ARHGEF28: variants seen among roughly 807,000 people sequenced by gnomAD.
The protein encoded by ARHGEF28 is Rho guanine nucleotide exchange factor 28.
ARHGEF28 carries 152 observed loss-of-function variants against 206.6 expected under a neutral mutation model. The observed-to-expected ratio is 0.74, with a 90% CI of 0.64 to 0.84. The LOEUF (loss-of-function observed/expected upper bound fraction) is 0.84, where lower values mean the gene tolerates loss of function less well. Ranked by LOEUF, ARHGEF28 falls within the 40% of genes least tolerant of loss-of-function variation. ARHGEF28 has a pLI of 0.00. For missense variants in ARHGEF28, 2,028 were observed against 2,073.2 expected, an observed-to-expected ratio of 0.98 and a Z score of 0.42; for synonymous variants, 763 against 776.4, an observed-to-expected ratio of 0.98 and a Z score of 0.29.
At chr5:73,939,188 A>T (rs1358507152) in intron 35 of ARHGEF28, among the ~76,000 whole-genome samples, 1 of 152,128 alleles carries the variant, frequency 6.6e-6, no homozygotes, top group East Asian at 1.9e-4. Flanking sequence ...TCAGAATTTC[A>T]CTAGCCTGAG....
chr5:73,896,405 T>C (rs1338728823), intron 29 of ARHGEF28, among the ~76,000 whole-genome samples: 1 of 151,188 alleles, frequency 6.6e-6, no homozygotes, highest in African/African-American at 2.4e-5. Context: ...CATTGTAGGC[T>C]GTGTTTAAAT....
At chr5:73,913,843 C>T (rs1339146802) in intron 35 of ARHGEF28, among the ~76,000 whole-genome samples, 1 of 152,146 alleles carries the variant, frequency 6.6e-6, no homozygotes, top group East Asian at 1.9e-4. Context: ...TGATTTCATT[C>T]AGGCTTCAGT....
At chr5:73,776,354 G>A (rs75729992) in intron 5 of ARHGEF28, among the ~76,000 whole-genome samples, 162 bp from the exon 6 acceptor site, 7,477 of 152,186 alleles carry the variant, frequency 0.049, 583 homozygotes, top group African/African-American at 0.17. Flanking sequence ...GGCTTTATTA[G>A]TATCTGTTTT....
chr5:73,809,815 G>A (rs994262292), intron 9 of ARHGEF28, among the ~76,000 whole-genome samples: 1 of 152,146 alleles, frequency 6.6e-6, no homozygotes, highest in Non-Finnish European at 1.5e-5. Flanking sequence ...TCAGGCGAAT[G>A]TATCTTCCAT....
intron 11 of ARHGEF28, among the ~76,000 whole-genome samples, chr5:73,844,419 A>G (rs1220168543): frequency 6.6e-6 from 1 of 152,136 alleles, no homozygotes; most frequent in Non-Finnish European, 1.5e-5. Flanking sequence ...GTACTAGGAA[A>G]CCACGTAGCA....
chr5:73,887,811 C>T (rs1761395707), intron 26 of ARHGEF28, 132 bp downstream of exon 26: 4 of 747,010 alleles, frequency 5.4e-6, no homozygotes, highest in African/African-American at 3.6e-5. Context: ...TCCATTATTA[C>T]TTGTGATTGC....
At chr5:73,883,155 T>C (rs1457691968) in intron 23 of ARHGEF28, among the ~76,000 whole-genome samples, 1 of 152,172 alleles carries the variant, frequency 6.6e-6, no homozygotes, top group Non-Finnish European at 1.5e-5. Context: ...CATTTGAATG[T>C]TATCCCACCC....
intron 1 of ARHGEF28, among the ~76,000 whole-genome samples, chr5:73,650,803 C>G (rs1208479409): frequency 2.6e-5 from 4 of 151,998 alleles, no homozygotes; most frequent in African/African-American, 9.7e-5. Flanking sequence ...CATGTGCCAC[C>G]ATGCCCAGCT....
chr5:73,737,740 C>A (rs1301893182), intron 2 of ARHGEF28, among the ~76,000 whole-genome samples: 1 of 152,040 alleles, frequency 6.6e-6, no homozygotes, highest in African/African-American at 2.4e-5. Context: ...TGGTCTTGAA[C>A]TGCTGACCTC....
intron 9 of ARHGEF28, among the ~76,000 whole-genome samples, chr5:73,822,570 A>G (rs1262123418): frequency 2.0e-5 from 3 of 152,210 alleles, no homozygotes; most frequent in African/African-American, 7.2e-5. Flanking sequence ...AAATCCTAAG[A>G]GAACCTTAGA....
At chr5:73,638,123 T>G (rs889730567) in intron 1 of ARHGEF28, among the ~76,000 whole-genome samples, 4 of 152,202 alleles carry the variant, frequency 2.6e-5, no homozygotes, top group Non-Finnish European at 4.4e-5. Flanking sequence ...AAACTATTAT[T>G]TTTTGAACAT....
rs752086875 is a variant in ARHGEF28, at chr5:73,909,870, C to T, written c.4620C>T (p.Pro1540=). 9.9e-6 allele frequency: 15 copies of T among 1,521,182 alleles called. No homozygotes were observed. Among genetic ancestry groups the T allele is most frequent in the Non-Finnish European group, 1.3e-5 (15 of 1,148,412 alleles). 94.2% of individuals were successfully genotyped at this position (1,521,182 alleles called of 1,614,324 possible). ...HWKHGRQRSL[P]AVLLPGGPEV... is the part of the protein sequence containing the mutation. ...AGCACGGCCGGCAGAGGAGCCTGCC[C>T]GCGGTGCTCCTTCCGGGTGGCCCCG... The change falls in exon 34 of 36, where the codon CCC becomes CCT. Residue 1540 remains proline, a synonymous_variant. Transcript: ENST00000513042.
At position 73,840,366 on chromosome 5, in the gene ARHGEF28, C is replaced by T. The variant is rs539305281; in HGVS notation, c.1147-114C>T. 69 of 996,992 alleles carry T rather than the reference C, an allele frequency of 6.9e-5. 1 individual carries two copies. The East Asian group carries it at 1.5e-3, about 21-fold the overall frequency. The allele number at this position is 996,992 out of a possible 1,614,324, so 61.8% of individuals were successfully genotyped here. ...CTGACCTCAAGTGATCTGCCAGCCTCGGCCTCCTACCACGCCTGGCCAGAA... is the reference window on the plus strand; with the variant it reads ...CTGACCTCAAGTGATCTGCCAGCCTTGGCCTCCTACCACGCCTGGCCAGAA... On this transcript the variant is annotated intron_variant, in intron 10 of 35. Transcript: ENST00000513042.
intron 4 of ARHGEF28, among the ~76,000 whole-genome samples, chr5:73,758,162 A>G (rs752781592): frequency 2.0e-4 from 31 of 152,198 alleles, no homozygotes; most frequent in Non-Finnish European, 4.0e-4. Context: ...TACAAATGGT[A>G]TCTCCAAAGA....
At chr5:73,813,808 C>T in intron 9 of ARHGEF28, 1 of 879,962 alleles carries the variant, frequency 1.1e-6, no homozygotes. Context: ...ACTCACTGTA[C>T]AGATACATAT....
rs1762984834 is a variant in ARHGEF28 at position 73,912,923 on chromosome 5, A to G, written c.4948+1348A>G. 2.0e-5 allele frequency among the ~76,000 whole-genome samples: 3 copies of G among 152,248 alleles called. 1 individual carries two copies. Among genetic ancestry groups the G allele is most frequent in the African/African-American group, 7.2e-5 (3 of 41,546 alleles). ...ATACTGGCTTTGGTATAATTCCGAA[A>G]CTCAGTTTGAGTTAAACCACATTCA... On this transcript the variant is annotated intron_variant, in intron 35 of 35. Transcript: ENST00000513042.
chr5:73,831,089 C>G (rs1757269879), intron 9 of ARHGEF28, among the ~76,000 whole-genome samples: 1 of 152,176 alleles, frequency 6.6e-6, no homozygotes, highest in South Asian at 2.1e-4. Context: ...TCACACTGAA[C>G]ATGGTTAAAA....
intron 1 of ARHGEF28, among the ~76,000 whole-genome samples, chr5:73,664,804 C>T (rs747655010): frequency 6.6e-6 from 1 of 152,152 alleles, no homozygotes; most frequent in African/African-American, 2.4e-5. Context: ...CTTTCCAGCC[C>T]AGACTTCTCT....
chr5:73,757,908 T>C (rs906243198), intron 4 of ARHGEF28, among the ~76,000 whole-genome samples: 1 of 152,228 alleles, frequency 6.6e-6, no homozygotes, highest in African/African-American at 2.4e-5. Flanking sequence ...TGTTTGTTTT[T>C]TGAGCAGAAA....
Sources: gnomAD v4.1 joint callset for allele counts (sites outside exome capture counted in the v4.1 genomes callset) on GRCh38, gnomAD v4.1.1 for gene constraint, MANE v1.5 for transcripts, NCBI Gene and HGNC (gene_info 2026-07-23, HGNC 2026-07-21) for gene names.